Variants in TYK2 observed in about 807,000 individuals in gnomAD.
TYK2 encodes tyrosine kinase 2.
A neutral mutation model predicts 130.9 loss-of-function variants in TYK2; 65 were observed. That is an observed-to-expected ratio of 0.50 (90% CI 0.41 to 0.61). The LOEUF is 0.61. TYK2 is among the 20% of genes least tolerant of loss of function. TYK2 has a pLI of 0.00. For missense variants in TYK2, 1,378 were observed against 1,610.7 expected (o/e 0.86, Z 2.47); for synonymous variants, 647 against 658.9 (o/e 0.98, Z 0.28).
chr19:10,365,511 G>A lies in TYK2; in HGVS notation c.1011+6C>T. The A allele has an allele frequency of 6.2e-7, 1 of 1,613,696 alleles. No homozygotes were observed. On this transcript the variant is annotated splice_donor_region_variant and intron_variant, in intron 7 of 24. Coordinates refer to ENST00000525621, the MANE Select transcript of TYK2 (RefSeq NM_003331.5). ...ACCCCCAGGGCGGAAGGGGCGCCTT[G>A]CTCACCTCCTCCTTGTTCACCTCCT...
intron 3 of TYK2, among the ~76,000 whole-genome samples, chr19:10,374,678 T>C (rs2042050218): frequency 6.7e-6 from 1 of 149,720 alleles, no homozygotes; most frequent in South Asian, 2.1e-4. Flanking sequence ...AGCATGCATG[T>C]TCAAGACCAG....
chr19:10,375,911 C>A (rs1038259543), intron 3 of TYK2, among the ~76,000 whole-genome samples: 1 of 150,620 alleles, frequency 6.6e-6, no homozygotes, highest in Non-Finnish European at 1.5e-5. Flanking sequence ...TGGGACAGAG[C>A]GAGACTCCAT....
intron 7 of TYK2, 71 bp from the exon 8 acceptor site, chr19:10,365,119 G>A: frequency 6.8e-7 from 1 of 1,468,218 alleles, no homozygotes; most frequent in East Asian, 2.4e-5. Context: ...ACTTTCCCCT[G>A]GGGAGAGACT....
chr19:10,367,035 ACT>A (rs1293695779), intron 5 of TYK2, among the ~76,000 whole-genome samples: 1 of 148,184 alleles, frequency 6.7e-6, no homozygotes, highest in East Asian at 2.0e-4. Context: ...CAAGAATGAA[ACT>A]CTGTCTCAAA....
chr19:10,362,464 G>C lies in TYK2; in HGVS notation c.1477-8C>G. 4 of 1,585,558 alleles carry C rather than the reference G, an allele frequency of 2.5e-6. No individual in the cohort carries two copies. The highest frequency in any genetic ancestry group is 3.4e-6 in the Non-Finnish European group (4 of 1,164,968). On this transcript the variant is annotated splice_polypyrimidine_tract_variant and splice_region_variant and intron_variant, in intron 10 of 24. Coordinates refer to ENST00000525621, the MANE Select transcript of TYK2 (RefSeq NM_003331.5). ...CTGCATGCCGTCTGGTGCCTGGCAGGAGGTGGCAGAGGTGGGAGCAGTAAG... is the reference window on the plus strand; with the variant it reads ...CTGCATGCCGTCTGGTGCCTGGCAGCAGGTGGCAGAGGTGGGAGCAGTAAG...
At chr19:10,371,980 G>A (rs1210449651) in intron 3 of TYK2, among the ~76,000 whole-genome samples, 2 of 151,640 alleles carry the variant, frequency 1.3e-5, no homozygotes, top group African/African-American at 4.8e-5. Context: ...CCTCAGGGAA[G>A]ATGTTTCTGA....
chr19:10,358,117 C>T lies in TYK2; in HGVS notation c.2197G>A (p.Gly733Ser), dbSNP rs1038590632. The change falls in exon 16 of 25, where the codon GGT becomes AGT. Residue 733 changes from glycine to serine, a missense_variant. Transcript: ENST00000525621. ...SYLENKNLVH[G>S]NVCGRNILLA... Reference sequence around the variant, plus strand: ...AGGATGTTCCGGCCACACACATTACCATGAACCAGGTTCTTGTTCTCCTGA... The same window carrying T: ...AGGATGTTCCGGCCACACACATTACTATGAACCAGGTTCTTGTTCTCCTGA... The T allele has an allele frequency of 4.3e-6, 7 of 1,610,430 alleles. No individual in the cohort carries two copies. The highest frequency in any genetic ancestry group is 1.3e-5 in the African/African-American group (1 of 74,854).
Position 10,361,106 on chromosome 19 carries a change from G to T in TYK2, c.2047+405C>A. 2 of 488,822 alleles carry T rather than the reference G, an allele frequency of 4.1e-6. No individual in the cohort carries two copies. Among genetic ancestry groups the T allele is most frequent in the Non-Finnish European group, 8.0e-6 (2 of 249,870 alleles). 30.3% of individuals were successfully genotyped at this position (488,822 alleles called of 1,614,324 possible). A position where few individuals can be genotyped will look rare whatever the true frequency, so the allele number is the denominator to read the frequency against. On this transcript the variant is annotated intron_variant, in intron 14 of 24. Transcript: ENST00000525621. This position sits in a 1 kb window ranked among gnomAD's most constrained non-coding sequence, Gnocchi z 4.0. ...GGAAAGGAAGAGGTGGGGTTAGGCA[G>T]GGTTGGATGTGCAGGGGCTGAGGCC...
chr19:10,365,439 G>T, intron 7 of TYK2, 78 bp downstream of exon 7: 1 of 1,598,350 alleles, frequency 6.3e-7, no homozygotes, highest in Non-Finnish European at 8.5e-7. Context: ...CACCCTCAGA[G>T]GCTAGGGTCA....
chr19:10,365,417 G>A, intron 7 of TYK2, 100 bp downstream of exon 7: 2 of 1,568,278 alleles, frequency 1.3e-6, no homozygotes, highest in East Asian at 2.2e-5. Context: ...TGGGGAGAGG[G>A]CTCAGGTCAG....
At position 10,353,208 on chromosome 19, in the gene TYK2, G is replaced by T; in HGVS notation, c.3028-110C>A. 2.0e-6 allele frequency: 2 copies of T among 996,388 alleles called. No homozygotes were observed. The highest frequency in any genetic ancestry group is 2.8e-6 in the Non-Finnish European group (2 of 721,966). The allele number at this position is 996,388 out of a possible 1,614,324, so 61.7% of individuals were successfully genotyped here. A position where few individuals can be genotyped will look rare whatever the true frequency, so the allele number is the denominator to read the frequency against. The stretch of plus-strand genomic sequence containing the variant: ...GGGGGACAGTCAGGTCAGGCCGGTG[G>T]CTACCCGGCCGCTGGAGAGGGCCGG... On this transcript the variant is annotated intron_variant, in intron 21 of 24. Transcript: ENST00000525621. The surrounding 1 kb of genome is among the most constrained non-coding windows in gnomAD (Gnocchi z 6.9).
chr19:10,365,824 C>T lies in TYK2; in HGVS notation c.704G>A (p.Arg235Gln), dbSNP rs907669947. The change falls in exon 7 of 25, where the codon CGG (arginine) becomes CAG (glutamine). Residue 235 changes from arginine to glutamine, a missense_variant. Arg to Gln is a conservative substitution (Grantham distance 43). Transcript: ENST00000525621. ...CCGCAGGAACCTGCGGAAGACGTTC[C>T]GAAGGCGCAGCCGGGTCAGGGCGCT... Reference protein sequence around the residue: ...QHSALTRLRLRNVFRRFLRDF... With the variant: ...QHSALTRLRLQNVFRRFLRDF... 13 of 1,612,288 alleles carry T rather than the reference C, an allele frequency of 8.1e-6. No individual in the cohort carries two copies. The highest frequency in any genetic ancestry group is 5.3e-5 in the African/African-American group (4 of 74,928).
intron 3 of TYK2, among the ~76,000 whole-genome samples, chr19:10,377,764 G>C: frequency 1.2e-5 from 1 of 80,378 alleles, no homozygotes; most frequent in African/African-American, 5.5e-5. Context: ...GTGGATGGGT[G>C]GGTGAGTAGG....
Position 10,361,273 on chromosome 19 carries a change from T to C in TYK2, c.2047+238A>G. On this transcript the variant is annotated intron_variant, in intron 14 of 24. Coordinates refer to ENST00000525621, the MANE Select transcript of TYK2 (RefSeq NM_003331.5). The surrounding 1 kb of genome is among the most constrained non-coding windows in gnomAD (Gnocchi z 4.0). ...ATGTAGTTGGGAATCAGGGTGGGGG[T>C]TGAGACTGAGGGCAGGTGAGGGTCG... 1 of 615,884 alleles carries C rather than the reference T, an allele frequency of 1.6e-6. No individual in the cohort carries two copies. Among genetic ancestry groups the C allele is most frequent in the Non-Finnish European group, 3.0e-6 (1 of 337,740 alleles). The allele number at this position is 615,884 out of a possible 1,614,324, so 38.2% of individuals were successfully genotyped here. A position where few individuals can be genotyped will look rare whatever the true frequency, so the allele number is the denominator to read the frequency against.
intron 17 of TYK2, chr19:10,357,249 T>A (rs12720303): frequency 2.0e-4 from 105 of 524,680 alleles, no homozygotes; most frequent in African/African-American, 1.7e-3. Flanking sequence ...ATTAGCCGGG[T>A]GTGGTGGCAT....
chr19:10,377,449 TGAATGGGTGGGA>T (rs1302295651), intron 3 of TYK2, among the ~76,000 whole-genome samples: 2 of 135,818 alleles, frequency 1.5e-5, no homozygotes, highest in Non-Finnish European at 3.1e-5. Flanking sequence ...GATAGATGGA[TGAATGGGTGGGA>T]GGATGGATGG....
chr19:10,362,568 G>GT lies in TYK2; in HGVS notation c.1456dup (p.Thr486AsnfsTer6). The GT allele has an allele frequency of 6.4e-7, 1 of 1,555,028 alleles. No homozygotes were observed. Among genetic ancestry groups the GT allele is most frequent in the Non-Finnish European group, 8.7e-7 (1 of 1,148,918 alleles). On this transcript the variant is annotated frameshift_variant, in exon 10 of 25. Coordinates refer to ENST00000525621, the MANE Select transcript of TYK2 (RefSeq NM_003331.5). LOFTEE classifies it high-confidence loss of function. ...GCTCACCTGGCTACGCTGGGCCACT[G>GT]TGAGGATCAGGCGGTAGGGGTGGCT...
chr19:10,378,411 C>T lies in TYK2; in HGVS notation c.-5G>A. 6.2e-7 allele frequency: 1 copy of T among 1,608,418 alleles called. No individual in the cohort carries two copies. Among genetic ancestry groups the T allele is most frequent in the Non-Finnish European group, 8.5e-7 (1 of 1,179,794 alleles). On this transcript the variant is annotated 5_prime_UTR_variant, in exon 3 of 25. Coordinates refer to ENST00000525621, the MANE Select transcript of TYK2 (RefSeq NM_003331.5). ...CCCCCAGTGGCGCAGAGGCATGCTC[C>T]CGGCAGGTGGCTCAGCTGGAAAGGG...
rs192216886 is a variant in TYK2 at position 10,358,475 on chromosome 19, G to C, written c.2176-337C>G. On this transcript the variant is annotated intron_variant, in intron 15 of 24. Coordinates refer to ENST00000525621, the MANE Select transcript of TYK2 (RefSeq NM_003331.5). The stretch of plus-strand genomic sequence containing the variant: ...GATTCTTAAATTTTTGGTGGAGATG[G>C]GGTCTAGCTATGCTGCTGCCCAGGC... 6.9e-4 allele frequency among the ~76,000 whole-genome samples: 105 copies of C among 151,668 alleles called. 1 individual carries two copies. In the East Asian group the frequency reaches 0.019, roughly 27 times the overall value.
Sources: gnomAD v4.1 joint callset for allele counts (sites outside exome capture counted in the v4.1 genomes callset) on GRCh38, gnomAD v4.1.1 for gene constraint, Gnocchi (gnomAD v3.1) non-coding constraint, MANE v1.5 for transcripts, NCBI Gene and HGNC (gene_info 2026-07-23, HGNC 2026-07-21) for gene names.